Variants in SLC8A1 observed in about 807,000 individuals in gnomAD.
SLC8A1 encodes the protein sodium/calcium exchanger 1.
A neutral mutation model predicts 68.3 loss-of-function variants in SLC8A1; 18 were observed. That is an observed-to-expected ratio of 0.26 (90% CI 0.18 to 0.39). SLC8A1 has a LOEUF of 0.39. SLC8A1 is among the 10% of genes least tolerant of loss of function. The pLI is 1.00. For missense variants in SLC8A1, 985 were observed against 1,156.7 expected, an observed-to-expected ratio of 0.85 and a Z score of 2.15; for synonymous variants, 475 against 415.5, an observed-to-expected ratio of 1.14 and a Z score of -1.74.
At chr2:40,172,549 A>G (rs2047687219) in intron 4 of SLC8A1, among the ~76,000 whole-genome samples, 1 of 152,270 alleles carries the variant, frequency 6.6e-6, no homozygotes, top group East Asian at 1.9e-4. Context: ...GATATTATAG[A>G]ATTTGATGTA....
intron 1 of SLC8A1, among the ~76,000 whole-genome samples, chr2:40,511,148 CTT>C (rs1396491410): frequency 6.6e-6 from 1 of 152,134 alleles, no homozygotes; most frequent in Non-Finnish European, 1.5e-5. Context: ...CTCCATTTCT[CTT>C]TTCTTTTTTC....
intron 2 of SLC8A1, among the ~76,000 whole-genome samples, chr2:40,218,873 T>C (rs1490338468): frequency 6.6e-6 from 1 of 152,212 alleles, no homozygotes; most frequent in African/African-American, 2.4e-5. Context: ...CCGAGGCTAA[T>C]AGCACAGTGC....
chr2:40,342,674 T>A (rs1280136738), intron 2 of SLC8A1, among the ~76,000 whole-genome samples: 1 of 152,170 alleles, frequency 6.6e-6, no homozygotes, highest in Non-Finnish European at 1.5e-5. Flanking sequence ...TGGATCCTTC[T>A]AATAATTGGA....
intron 7 of SLC8A1, among the ~76,000 whole-genome samples, chr2:40,131,068 G>A (rs888447181): frequency 6.6e-6 from 1 of 152,228 alleles, no homozygotes; most frequent in Non-Finnish European, 1.5e-5. Context: ...TCTACTATAT[G>A]CGAGGCTCTG....
chr2:40,190,144 A>G (rs2051494418), intron 2 of SLC8A1, among the ~76,000 whole-genome samples: 1 of 152,152 alleles, frequency 6.6e-6, no homozygotes, highest in Non-Finnish European at 1.5e-5. Flanking sequence ...ATCACTCGCA[A>G]ATGCCATGCT....
At chr2:40,160,662 TG>T in intron 6 of SLC8A1, 102 bp downstream of exon 9, 1 of 935,824 alleles carries the variant, frequency 1.1e-6, no homozygotes, top group Non-Finnish European at 1.7e-6. Flanking sequence ...AATTTTGCCA[TG>T]GAAGCCCTTT....
chr2:40,240,274 C>G (rs1328401996), intron 2 of SLC8A1, among the ~76,000 whole-genome samples: 2 of 152,208 alleles, frequency 1.3e-5, no homozygotes, highest in Non-Finnish European at 2.9e-5. Context: ...CAAGTCAAGT[C>G]TCCGACGGAG....
chr2:40,374,790 A>G (rs1679268535), intron 2 of SLC8A1, among the ~76,000 whole-genome samples: 1 of 152,074 alleles, frequency 6.6e-6, no homozygotes, highest in Non-Finnish European at 1.5e-5. Context: ...ACATGGTGAT[A>G]ATAAACCATT....
chr2:40,162,800 C>T (rs1188550151), intron 5 of SLC8A1, among the ~76,000 whole-genome samples: 1 of 152,084 alleles, frequency 6.6e-6, no homozygotes, highest in African/African-American at 2.4e-5. Context: ...AAACCTCACC[C>T]TCAGCAATGG....
intron 2 of SLC8A1, among the ~76,000 whole-genome samples, chr2:40,256,584 T>C (rs1012591620): frequency 1.3e-5 from 2 of 152,224 alleles, no homozygotes; most frequent in Non-Finnish European, 2.9e-5. Context: ...CGTTCCCTTT[T>C]GGACACATTA....
intron 2 of SLC8A1, among the ~76,000 whole-genome samples, chr2:40,427,587 T>C (rs763381529): frequency 1.4e-4 from 21 of 152,114 alleles, no homozygotes; most frequent in Non-Finnish European, 2.1e-4. Flanking sequence ...CAACACACTT[T>C]CCTAGGCAAA....
intron 1 of SLC8A1, among the ~76,000 whole-genome samples, chr2:40,504,343 A>G (rs747669875): frequency 6.6e-6 from 1 of 152,104 alleles, no homozygotes; most frequent in Non-Finnish European, 1.5e-5. Flanking sequence ...AAGACCTCAA[A>G]CCATGAAACT....
rs144287601 is a variant in SLC8A1, at chr2:40,341,915, T to A, written c.1808+86558A>T. Among the ~76,000 whole-genome samples, 576 of 152,314 alleles carry A rather than the reference T, an allele frequency of 3.8e-3. 3 individuals carry two copies. Among genetic ancestry groups the A allele is most frequent in the African/African-American group, 0.013 (543 of 41,580 alleles). On this transcript the variant is annotated intron_variant, in intron 2 of 7. Transcript: ENST00000406785. ...AATCCTTCCAAAATTATGTATTCTA[T>A]CTGCCTGGAGTGTGGATCCTGCTTA...
intron 1 of SLC8A1, among the ~76,000 whole-genome samples, chr2:40,437,003 C>T (rs928122241): frequency 1.1e-4 from 16 of 152,214 alleles, no homozygotes; most frequent in Non-Finnish European, 1.9e-4. Flanking sequence ...AGGTACTGTG[C>T]TAATTACTTT....
chr2:40,242,201 T>G (rs1347124583), intron 2 of SLC8A1, among the ~76,000 whole-genome samples: 2 of 152,082 alleles, frequency 1.3e-5, no homozygotes, highest in African/African-American at 4.8e-5. Flanking sequence ...TGACAATACT[T>G]TGGAGAAATG....
intron 6 of SLC8A1, among the ~76,000 whole-genome samples, chr2:40,158,482 A>T (rs1321964431): frequency 6.6e-6 from 1 of 152,200 alleles, no homozygotes; most frequent in Non-Finnish European, 1.5e-5. Flanking sequence ...CCAAGCGGTC[A>T]TTTAGAAACA....
intron 2 of SLC8A1, among the ~76,000 whole-genome samples, chr2:40,342,523 G>A (rs183301384): frequency 1.1e-4 from 17 of 152,238 alleles, no homozygotes; most frequent in Admixed American, 5.9e-4. Context: ...AGATGGACGA[G>A]TAAGTAGTTA....
intron 1 of SLC8A1, among the ~76,000 whole-genome samples, chr2:40,504,370 G>A (rs909023228): frequency 3.9e-5 from 6 of 152,032 alleles, no homozygotes; most frequent in Non-Finnish European, 7.4e-5. Flanking sequence ...AGAAAACCTT[G>A]AAGAACATCT....
intron 2 of SLC8A1, among the ~76,000 whole-genome samples, chr2:40,371,241 G>A (rs1207428676): frequency 5.9e-5 from 9 of 152,146 alleles, no homozygotes; most frequent in Admixed American, 4.6e-4. Context: ...TTCAGTGTAG[G>A]GGTTAAGATT....
Sources: gnomAD v4.1 joint callset for allele counts (sites outside exome capture counted in the v4.1 genomes callset) on GRCh38, gnomAD v4.1.1 for gene constraint, MANE v1.5 for transcripts, NCBI Gene and HGNC (gene_info 2026-07-23, HGNC 2026-07-21) for gene names.